SOHLH2: variants seen among roughly 807,000 people sequenced by gnomAD.
SOHLH2 encodes spermatogenesis- and oogenesis-specific basic helix-loop-helix-containing protein 2.
A neutral mutation model predicts 50.4 loss-of-function variants in SOHLH2; 22 were observed. That is an observed-to-expected ratio of 0.44 (90% CI 0.31 to 0.62). The LOEUF (loss-of-function observed/expected upper bound fraction) is 0.62, where lower values mean the gene tolerates loss of function less well. Ranked by LOEUF, SOHLH2 falls within the 20% of genes least tolerant of loss-of-function variation. SOHLH2 has a pLI of 0.08. For synonymous variants in SOHLH2, 185 were observed against 187.3 expected, an observed-to-expected ratio of 0.99 and a Z score of 0.10; for missense variants, 412 against 504.4, an observed-to-expected ratio of 0.82 and a Z score of 1.76.
chr13:36,183,785 A>AT lies in SOHLH2; in HGVS notation c.641+6160dup, dbSNP rs537516747. ...GAAAGCTATATTAATATCAAAGTAG[A>AT]TTTTTTAAGACAGGGAGTACTAGCA... On this transcript the variant is annotated intron_variant, in intron 6 of 10. Transcript: ENST00000379881. Among the ~76,000 whole-genome samples, 281 of 152,322 alleles carry AT rather than the reference A, an allele frequency of 1.8e-3. 3 individuals are homozygous for AT. The highest frequency in any genetic ancestry group is 6.3e-3 in the African/African-American group (260 of 41,576).
intron 1 of SOHLH2, among the ~76,000 whole-genome samples, chr13:36,207,184 G>A (rs963069590): frequency 6.6e-6 from 1 of 151,888 alleles, no homozygotes; most frequent in African/African-American, 2.4e-5. Flanking sequence ...ATTAACTAGT[G>A]TACATTAACT....
At chr13:36,198,011 C>A (rs1462089697) in intron 2 of SOHLH2, among the ~76,000 whole-genome samples, 1 of 152,148 alleles carries the variant, frequency 6.6e-6, no homozygotes, top group East Asian at 1.9e-4. Context: ...GTTACATTGT[C>A]AAGTCAAGGA....
chr13:36,210,525 T>G (rs1261361949), intron 1 of SOHLH2, among the ~76,000 whole-genome samples: 4 of 152,166 alleles, frequency 2.6e-5, no homozygotes, highest in African/African-American at 9.7e-5. Context: ...GGTTGTTGTA[T>G]CTCCTTGATC....
chr13:36,193,608 AT>A lies in SOHLH2; in HGVS notation c.430+12del, dbSNP rs1887639705. The A allele has an allele frequency of 6.3e-7, 1 of 1,579,064 alleles. No homozygotes were observed. Among genetic ancestry groups the A allele is most frequent in the Non-Finnish European group, 8.5e-7 (1 of 1,170,690 alleles). On this transcript the variant is annotated intron_variant, in intron 4 of 10. Coordinates refer to ENST00000379881, the MANE Select transcript of SOHLH2 (RefSeq NM_017826.3). Reference sequence around the variant, plus strand: ...AATTCAAATTTTGAAACCTTTGGAAATTTTTTACTCACCAGTGTTTGAGGGA... The same window carrying A: ...AATTCAAATTTTGAAACCTTTGGAAATTTTTACTCACCAGTGTTTGAGGGA...
chr13:36,201,995 G>T lies in SOHLH2; in HGVS notation c.147C>A (p.Thr49=). ...LFANIAEVTI[T]ISDTKEAAAL... Reference sequence around the variant, plus strand: ...CTGCTGCCTCCTTCGTGTCACTGATGGTGATGGTGACTTCTGCTATGTTTG... The same window carrying T: ...CTGCTGCCTCCTTCGTGTCACTGATTGTGATGGTGACTTCTGCTATGTTTG... The change falls in exon 2 of 11, where the codon ACC becomes ACA. Residue 49 remains threonine, a synonymous_variant. Transcript: ENST00000379881. 1 of 1,614,200 alleles carries T rather than the reference G, an allele frequency of 6.2e-7. No homozygotes were observed. Among genetic ancestry groups the T allele is most frequent in the Non-Finnish European group, 8.5e-7 (1 of 1,180,036 alleles).
Position 36,184,459 on chromosome 13 carries a change from C to CTTTTTTTTTTTTTTTTTT in SOHLH2, c.641+5486_641+5487insAAAAAAAAAAAAAAAAAA, listed in dbSNP as rs764218457. Reference sequence around the variant, plus strand: ...TGATGGAAGTTTCTACCTACAAAGACCTTTTTTTTTTTTTTTTTTTGAGAC... The same window carrying CTTTTTTTTTTTTTTTTTT: ...TGATGGAAGTTTCTACCTACAAAGACTTTTTTTTTTTTTTTTTTCTTTTTTTTTTTTTTTTTTTGAGAC... On this transcript the variant is annotated intron_variant, in intron 6 of 10. Coordinates refer to ENST00000379881, the MANE Select transcript of SOHLH2 (RefSeq NM_017826.3). 3.5e-3 allele frequency among the ~76,000 whole-genome samples: 283 copies of CTTTTTTTTTTTTTTTTTT among 81,626 alleles called. 16 individuals are homozygous for CTTTTTTTTTTTTTTTTTT. Among genetic ancestry groups the CTTTTTTTTTTTTTTTTTT allele is most frequent in the African/African-American group, 0.013 (266 of 20,376 alleles). 53.5% of individuals were successfully genotyped at this position (81,626 alleles called of 152,430 possible). A position where few individuals can be genotyped will look rare whatever the true frequency, so the allele number is the denominator to read the frequency against.
chr13:36,206,045 A>G (rs1201943128), intron 1 of SOHLH2, among the ~76,000 whole-genome samples: 1 of 151,962 alleles, frequency 6.6e-6, no homozygotes, highest in East Asian at 1.9e-4. Flanking sequence ...CTTCTTAACT[A>G]TAAATGTTTA....
At chr13:36,199,036 C>G (rs997315631) in intron 2 of SOHLH2, among the ~76,000 whole-genome samples, 1 of 152,098 alleles carries the variant, frequency 6.6e-6, no homozygotes, top group Non-Finnish European at 1.5e-5. Context: ...AAAGTAGAGC[C>G]AGGCTTTTCA....
intron 2 of SOHLH2, among the ~76,000 whole-genome samples, chr13:36,197,513 G>A (rs946000226): frequency 6.6e-6 from 1 of 152,164 alleles, no homozygotes; most frequent in African/African-American, 2.4e-5. Flanking sequence ...GCCAAAGGGT[G>A]TTATAAGTCC....
chr13:36,170,823 C>A (rs1407322628), intron 9 of SOHLH2, 36 bp from the exon 10 acceptor site: 2 of 1,595,140 alleles, frequency 1.3e-6, no homozygotes, highest in Non-Finnish European at 1.7e-6. Context: ...GGGTCAGTAT[C>A]CACAATTCTG....
chr13:36,172,154 G>A (rs972925005), intron 9 of SOHLH2, among the ~76,000 whole-genome samples: 5 of 152,158 alleles, frequency 3.3e-5, no homozygotes, highest in African/African-American at 4.8e-5. Context: ...CTCCTTAGGG[G>A]AGGCAGTGTC....
chr13:36,191,817 A>C lies in SOHLH2; in HGVS notation c.508T>G (p.Phe170Val), dbSNP rs1002408179. ...QRSYSEHLGYFPTDLFACSES... is the reference protein window; with the variant it reads ...QRSYSEHLGYVPTDLFACSES... Reference sequence around the variant, plus strand: ...AACCAGGCAAATAGATCAGTAGGAAAATATCCCAGGTGTTCGCTGTAGGAC... The same window carrying C: ...AACCAGGCAAATAGATCAGTAGGAACATATCCCAGGTGTTCGCTGTAGGAC... The change falls in exon 5 of 11, where the codon TTT becomes GTT. Residue 170 changes from phenylalanine to valine, a missense_variant. Coordinates refer to ENST00000379881, the MANE Select transcript of SOHLH2 (RefSeq NM_017826.3). The C allele has an allele frequency of 4.3e-6, 7 of 1,613,802 alleles. No individual in the cohort carries two copies. In the African/African-American group the frequency reaches 5.3e-5, roughly 12 times the overall value.
In SOHLH2 at chr13:36,173,810, C is replaced by T. The variant is rs1298494778; in HGVS notation, c.882G>A (p.Arg294=). 6.2e-7 allele frequency: 1 copy of T among 1,613,760 alleles called. No homozygotes were observed. The highest frequency in any genetic ancestry group is 8.5e-7 in the Non-Finnish European group (1 of 1,179,948). Reference sequence around the variant, plus strand: ...AGTAAGTGCTCATCACACTGTTTTCCCTTGAAAGGACAGAAAAAATTATTT... The same window carrying T: ...AGTAAGTGCTCATCACACTGTTTTCTCTTGAAAGGACAGAAAAAATTATTT... The part of the protein sequence containing the change: ...LSLPGTVMAQ[R]ENSVMSTYSP... Residue 294 remains arginine, a splice_region_variant and synonymous_variant, in exon 9 of 11, where the codon CGG becomes CGA. Transcript: ENST00000379881.
At chr13:36,211,157 C>T (rs1032410370) in intron 1 of SOHLH2, among the ~76,000 whole-genome samples, 28 of 152,100 alleles carry the variant, frequency 1.8e-4, no homozygotes, top group African/African-American at 6.0e-4. Flanking sequence ...CTATCTAATA[C>T]GATCAGGGTG....
At chr13:36,169,087 G>T in intron 10 of SOHLH2, 33 bp from the exon 11 acceptor site, 1 of 1,599,310 alleles carries the variant, frequency 6.3e-7, no homozygotes, top group Non-Finnish European at 8.5e-7. Context: ...CACATTAATT[G>T]AATCCTCACC....
At chr13:36,202,117 G>A (rs772744234) in intron 1 of SOHLH2, 24 bp from the exon 2 acceptor site, 47 of 1,612,386 alleles carry the variant, frequency 2.9e-5, no homozygotes, top group Non-Finnish European at 3.5e-5. Flanking sequence ...AAGCAGAGGC[G>A]TCACATAATT....
chr13:36,192,560 A>G (rs1887606419), intron 4 of SOHLH2, among the ~76,000 whole-genome samples: 1 of 152,218 alleles, frequency 6.6e-6, no homozygotes, highest in African/African-American at 2.4e-5. Flanking sequence ...TAAATCTCAT[A>G]TAATCATTAT....
At chr13:36,191,312 A>C (rs1171291347) in intron 5 of SOHLH2, among the ~76,000 whole-genome samples, 2 of 152,190 alleles carry the variant, frequency 1.3e-5, no homozygotes, top group African/African-American at 4.8e-5. Flanking sequence ...GAGGTACGTA[A>C]AAGATACTAA....
chr13:36,172,386 C>A lies in SOHLH2; in HGVS notation c.1000+1306G>T, dbSNP rs541910246. Among the ~76,000 whole-genome samples the A allele has an allele frequency of 2.0e-5, 3 of 152,300 alleles. No individual in the cohort carries two copies. In the South Asian group the frequency reaches 6.2e-4, roughly 32 times the overall value. ...CAATTTTTTTTTCTTCTCCTCTCTT[C>A]TCTCCTCTAAGTTGGGAGAAAAGTC... is the stretch of plus-strand genomic sequence containing the variant. On this transcript the variant is annotated intron_variant, in intron 9 of 10. Transcript: ENST00000379881.
Sources: gnomAD v4.1 joint callset for allele counts (sites outside exome capture counted in the v4.1 genomes callset) on GRCh38, gnomAD v4.1.1 for gene constraint, MANE v1.5 for transcripts, NCBI Gene and HGNC (gene_info 2026-07-23, HGNC 2026-07-21) for gene names.